Variants in GPHN observed in about 807,000 individuals in gnomAD.
The protein encoded by GPHN is gephyrin.
In GPHN, 17 loss-of-function variants were observed where a neutral mutation model predicts 95.5. That is an observed-to-expected ratio of 0.18 (90% confidence interval 0.12 to 0.27). GPHN has a LOEUF of 0.27. GPHN is among the 10% of genes least tolerant of loss of function. The probability of loss-of-function intolerance (pLI) is 1.00; values close to 1 mark genes in which losing one functional copy is unlikely to be tolerated. For synonymous variants in GPHN, 320 were observed against 322.5 expected (o/e 0.99, Z 0.08); for missense variants, 660 against 978.1 (o/e 0.67, Z 4.34).
the GPHN span, among the ~76,000 whole-genome samples, chr14:67,406,490 C>T: frequency 2.6e-5 from 4 of 151,964 alleles, no homozygotes; most frequent in Non-Finnish European, 4.4e-5. Context: ...GGAGACTCCC[C>T]GTGGTTCTAT....
intron 9 of GPHN, among the ~76,000 whole-genome samples, chr14:67,017,403 C>A (rs1427008645): frequency 6.6e-6 from 1 of 152,072 alleles, no homozygotes; most frequent in Non-Finnish European, 1.5e-5. Context: ...GCTTCTGTTT[C>A]TGGGTAGGCT....
intron 1 of GPHN, among the ~76,000 whole-genome samples, chr14:66,601,244 A>G (rs1240028014): frequency 6.6e-6 from 1 of 152,058 alleles, no homozygotes; most frequent in Non-Finnish European, 1.5e-5. Flanking sequence ...GTAGTTTGAA[A>G]TAAGTAGCAT....
chr14:66,824,427 A>G (rs1405396619), intron 3 of GPHN, 47 bp from the exon 4 acceptor site: 1 of 951,484 alleles, frequency 1.1e-6, no homozygotes, highest in Middle Eastern at 2.1e-4. Context: ...GTTTTGAGCA[A>G]GCAGGCAAAT....
At chr14:67,342,750 G>A in the GPHN span, among the ~76,000 whole-genome samples, 1 of 150,810 alleles carries the variant, frequency 6.6e-6, no homozygotes. Context: ...TAATATAATA[G>A]TTAATATATT....
the GPHN span, among the ~76,000 whole-genome samples, chr14:67,367,420 A>G: frequency 2.6e-5 from 4 of 151,088 alleles, no homozygotes; most frequent in African/African-American, 9.8e-5. Context: ...TGGTAGAGAC[A>G]GGGTTTCACC....
chr14:66,921,849 G>A (rs565164677), intron 6 of GPHN, among the ~76,000 whole-genome samples: 258 of 152,040 alleles, frequency 1.7e-3, no homozygotes, highest in Non-Finnish European at 2.4e-3. Context: ...CATGGTACTG[G>A]TATAAAAATA....
At chr14:66,576,831 C>G (rs1329888513) in intron 1 of GPHN, among the ~76,000 whole-genome samples, 4 of 152,140 alleles carry the variant, frequency 2.6e-5, no homozygotes, top group African/African-American at 4.8e-5. Context: ...TGAACTGTTT[C>G]AAAATCCTCT....
At chr14:67,610,605 T>G in the GPHN span, among the ~76,000 whole-genome samples, 2 of 152,210 alleles carry the variant, frequency 1.3e-5, no homozygotes, top group Non-Finnish European at 2.9e-5. Flanking sequence ...CTCACTATTA[T>G]GAAACCTAGA....
At chr14:67,578,559 C>T in the GPHN span, 2 of 1,611,284 alleles carry the variant, frequency 1.2e-6, no homozygotes, top group Admixed American at 1.7e-5. The surrounding 1 kb of genome is among the most constrained non-coding windows in gnomAD (Gnocchi z 5.0). Context: ...GCTCTGTGTG[C>T]TCCACTTTTC....
intron 13 of GPHN, among the ~76,000 whole-genome samples, chr14:67,109,100 G>A (rs543563094): frequency 3.3e-5 from 5 of 152,204 alleles, no homozygotes; most frequent in South Asian, 4.2e-4. Context: ...TACTGAATAC[G>A]TAAGCAATTA....
chr14:66,964,460 T>G (rs2069173960), intron 8 of GPHN, among the ~76,000 whole-genome samples: 1 of 152,202 alleles, frequency 6.6e-6, no homozygotes, highest in African/African-American at 2.4e-5. Flanking sequence ...ACCTATAGGA[T>G]GTACAAAGGT....
the GPHN span, chr14:67,659,943 G>A: frequency 6.2e-7 from 1 of 1,607,290 alleles, no homozygotes; most frequent in Non-Finnish European, 8.5e-7. Context: ...AGAAAGTAGT[G>A]AGCAGATAGC....
At chr14:67,090,880 C>T (rs1256495071) in intron 12 of GPHN, among the ~76,000 whole-genome samples, 1 of 151,648 alleles carries the variant, frequency 6.6e-6, no homozygotes. Flanking sequence ...ACAATACTTA[C>T]CCCAGCAGGT....
intron 1 of GPHN, among the ~76,000 whole-genome samples, chr14:66,593,145 T>C (rs1395439425): frequency 1.3e-5 from 2 of 152,068 alleles, no homozygotes; most frequent in Non-Finnish European, 2.9e-5. Flanking sequence ...CTGGGGCCTG[T>C]CTGGGGGTTG....
chr14:67,126,081 A>G (rs1197600428), intron 17 of GPHN, among the ~76,000 whole-genome samples: 1 of 152,194 alleles, frequency 6.6e-6, no homozygotes, highest in Non-Finnish European at 1.5e-5. Flanking sequence ...GGATGCTTCA[A>G]ATACCTGAGA....
the GPHN span, chr14:67,662,482 C>G: frequency 1.2e-6 from 2 of 1,612,312 alleles, no homozygotes; most frequent in South Asian, 1.1e-5. Flanking sequence ...CTCACCGTTT[C>G]ATTTGCTTCC....
At chr14:66,822,382 G>A (rs914645846) in intron 3 of GPHN, among the ~76,000 whole-genome samples, 1 of 152,062 alleles carries the variant, frequency 6.6e-6, no homozygotes, top group Non-Finnish European at 1.5e-5. Context: ...GAATTACCTG[G>A]GAAGCTTTTA....
chr14:67,497,314 C>T, the GPHN span, among the ~76,000 whole-genome samples: 4 of 152,192 alleles, frequency 2.6e-5, no homozygotes, highest in Admixed American at 2.0e-4. Context: ...GACCCAGGCA[C>T]GTGGAGTTAA....
the GPHN span, among the ~76,000 whole-genome samples, chr14:67,480,421 G>A: frequency 7.6e-4 from 116 of 152,300 alleles, no homozygotes; most frequent in African/African-American, 2.7e-3. Flanking sequence ...GCTACCGAGG[G>A]ATGAATGGAA....
Sources: gnomAD v4.1 joint callset for allele counts (sites outside exome capture counted in the v4.1 genomes callset) on GRCh38, gnomAD v4.1.1 for gene constraint, Gnocchi (gnomAD v3.1) non-coding constraint, MANE v1.5 for transcripts, NCBI Gene and HGNC (gene_info 2026-07-23, HGNC 2026-07-21) for gene names.